SESN1: variants seen among roughly 807,000 people sequenced by gnomAD.
The protein encoded by SESN1 is sestrin 1.
SESN1 carries 30 observed loss-of-function variants against 59.3 expected under a neutral mutation model. That is an observed-to-expected ratio of 0.51 (90% confidence interval 0.38 to 0.69). The LOEUF is 0.69. Among genes scored for constraint, SESN1 ranks in the 30% least tolerant of loss-of-function variants. The pLI, the probability that SESN1 is intolerant of heterozygous loss-of-function variation, is 0.00. For synonymous variants in SESN1, 197 were observed against 219.9 expected (o/e 0.90, Z 0.92); for missense variants, 566 against 673.0 (o/e 0.84, Z 1.76).
intron 1 of SESN1, among the ~76,000 whole-genome samples, chr6:109,014,102 T>C (rs1027293703): frequency 3.3e-5 from 5 of 152,122 alleles, no homozygotes; most frequent in Non-Finnish European, 7.4e-5. Context: ...TCATTTAGAG[T>C]TTCCTCTTTT....
intron 1 of SESN1, among the ~76,000 whole-genome samples, chr6:109,061,110 A>G (rs1780723643): frequency 6.6e-6 from 1 of 152,204 alleles, no homozygotes; most frequent in South Asian, 2.1e-4. Flanking sequence ...TTCATAACTC[A>G]GTTGTATATC....
intron 1 of SESN1, among the ~76,000 whole-genome samples, chr6:109,062,493 C>T (rs1780749122): frequency 6.6e-6 from 1 of 152,216 alleles, no homozygotes; most frequent in Non-Finnish European, 1.5e-5. Flanking sequence ...AATCCCTTCT[C>T]TCACAGTGTC....
chr6:109,020,754 T>C (rs560162688), intron 1 of SESN1, among the ~76,000 whole-genome samples: 13 of 152,306 alleles, frequency 8.5e-5, no homozygotes, highest in Admixed American at 4.6e-4. Context: ...ACCTGCAATA[T>C]AGACACAAAA....
rs746232493 is a variant in SESN1 at position 108,985,195 on chromosome 6, T to TTATC, written c.*2345_*2348dup. ...TATCCAACAAGTTTTACTTATCTAC[T>TTATC]TATCTCCTGGTGGTCTGTATCAAAA... On this transcript the variant is annotated 3_prime_UTR_variant, in exon 10 of 10. Coordinates refer to ENST00000436639, the MANE Select transcript of SESN1 (RefSeq NM_014454.3). 9.2e-5 allele frequency among the ~76,000 whole-genome samples: 14 copies of TTATC among 152,212 alleles called. No individual in the cohort carries two copies. The highest frequency in any genetic ancestry group is 1.8e-4 in the Non-Finnish European group (12 of 68,036).
In SESN1 at chr6:109,000,653, G is replaced by A; in HGVS notation, c.567C>T (p.Cys189=). The A allele has an allele frequency of 6.3e-7, 1 of 1,599,126 alleles. No individual in the cohort carries two copies. Among genetic ancestry groups the A allele is most frequent in the Non-Finnish European group, 8.5e-7 (1 of 1,172,864 alleles). ...TTACATGCAGGTTCACTAAGTAGGAGCACTGATGTCTTGCCGCAGCCTTAA... is the reference window on the plus strand; with the variant it reads ...TTACATGCAGGTTCACTAAGTAGGAACACTGATGTCTTGCCGCAGCCTTAA... ...IGIMAAARHQ[C]SYLVNLHVND... is the part of the protein sequence containing the mutation. Residue 189 remains cysteine, a synonymous_variant, in exon 4 of 10, where the codon TGC becomes TGT. Transcript: ENST00000436639.
intron 1 of SESN1, among the ~76,000 whole-genome samples, chr6:109,033,771 G>A (rs534756385): frequency 1.3e-5 from 2 of 152,274 alleles, no homozygotes; most frequent in Admixed American, 1.3e-4. Flanking sequence ...GCTGGATTCA[G>A]GTTGCCATCT....
At chr6:109,010,794 T>C (rs1779845838) in intron 1 of SESN1, among the ~76,000 whole-genome samples, 1 of 152,218 alleles carries the variant, frequency 6.6e-6, no homozygotes, top group South Asian at 2.1e-4. Context: ...TTCCAAGCTC[T>C]CATCCACTGA....
intron 1 of SESN1, among the ~76,000 whole-genome samples, chr6:109,037,803 T>C (rs1432151960): frequency 6.6e-6 from 1 of 151,912 alleles, no homozygotes; most frequent in Non-Finnish European, 1.5e-5. Flanking sequence ...AAAAAAGGCA[T>C]AGAAACTTGT....
chr6:109,008,790 C>T (rs529564777), intron 1 of SESN1: 1 of 985,402 alleles, frequency 1.0e-6, no homozygotes, highest in East Asian at 1.1e-4. Flanking sequence ...TGGCTTAATA[C>T]GCAAGAGTAA....
chr6:109,030,022 T>C (rs1780156292), intron 1 of SESN1, among the ~76,000 whole-genome samples: 1 of 152,186 alleles, frequency 6.6e-6, no homozygotes, highest in African/African-American at 2.4e-5. Context: ...ATGTTAAGTA[T>C]CTCTGCACCC....
chr6:109,023,391 C>T (rs1234427422), intron 1 of SESN1, among the ~76,000 whole-genome samples: 1 of 152,212 alleles, frequency 6.6e-6, no homozygotes, highest in Non-Finnish European at 1.5e-5. Context: ...GGAAAATCTT[C>T]TACCACTTGA....
chr6:109,025,902 A>G (rs1743839793), intron 1 of SESN1, among the ~76,000 whole-genome samples: 1 of 152,112 alleles, frequency 6.6e-6, no homozygotes, highest in African/African-American at 2.4e-5. Flanking sequence ...TAATATTCTA[A>G]GACACGATGG....
intron 1 of SESN1, among the ~76,000 whole-genome samples, chr6:109,017,875 A>G (rs997393423): frequency 1.3e-5 from 2 of 152,242 alleles, no homozygotes; most frequent in African/African-American, 2.4e-5. Flanking sequence ...ATCTTTTAAT[A>G]TAATTCCTGG....
intron 1 of SESN1, among the ~76,000 whole-genome samples, chr6:109,004,182 G>T (rs1353175335): frequency 6.6e-6 from 1 of 151,888 alleles, no homozygotes; most frequent in Non-Finnish European, 1.5e-5. Flanking sequence ...TAGAAAAAAA[G>T]CAAAAAACAT....
intron 1 of SESN1, among the ~76,000 whole-genome samples, chr6:109,064,566 A>AGGAGG (rs1780784963): frequency 9.2e-6 from 1 of 108,428 alleles, no homozygotes; most frequent in African/African-American, 3.7e-5. Flanking sequence ...AAGAGAAGAG[A>AGGAGG]GGAGGGGAGA....
intron 1 of SESN1, among the ~76,000 whole-genome samples, chr6:109,013,718 G>C (rs993382649): frequency 1.3e-5 from 2 of 152,188 alleles, no homozygotes; most frequent in African/African-American, 4.8e-5. Flanking sequence ...TTAAACCAAA[G>C]AACTCCTTTA....
rs553015647 is a variant in SESN1 at position 109,018,315 on chromosome 6, C to T, written c.280-15972G>A. ...ATTCAGTTATTAAATAATGTCTCTCCCACCATCTGTGTGAGCACATTTGAA... is the reference window on the plus strand; with the variant it reads ...ATTCAGTTATTAAATAATGTCTCTCTCACCATCTGTGTGAGCACATTTGAA... On this transcript the variant is annotated intron_variant, in intron 1 of 9. Coordinates refer to ENST00000436639, the MANE Select transcript of SESN1 (RefSeq NM_014454.3). Among the ~76,000 whole-genome samples, 6 of 152,280 alleles carry T rather than the reference C, an allele frequency of 3.9e-5. No individual in the cohort carries two copies. In the South Asian group the frequency reaches 6.2e-4, roughly 16 times the overall value.
chr6:109,024,889 T>C (rs138516156), intron 1 of SESN1, among the ~76,000 whole-genome samples: 1 of 152,220 alleles, frequency 6.6e-6, no homozygotes, highest in Non-Finnish European at 1.5e-5. Context: ...AGTGGAACTA[T>C]CACAAATTGG....
At chr6:108,988,451 G>A in intron 9 of SESN1, 92 bp downstream of exon 9, 4 of 1,156,802 alleles carry the variant, frequency 3.5e-6, no homozygotes, top group Non-Finnish European at 4.8e-6. Context: ...TGGTAGGGGT[G>A]ATGGAAAGGG....
Sources: gnomAD v4.1 joint callset for allele counts (sites outside exome capture counted in the v4.1 genomes callset) on GRCh38, gnomAD v4.1.1 for gene constraint, MANE v1.5 for transcripts, NCBI Gene and HGNC (gene_info 2026-07-23, HGNC 2026-07-21) for gene names.